DVL3: variants seen among roughly 807,000 people sequenced by gnomAD.
The protein encoded by DVL3 is dishevelled segment polarity protein 3, also known as segment polarity protein dishevelled homolog DVL-3.
In DVL3, 27 loss-of-function variants were observed where a neutral mutation model predicts 67.4. The ratio of observed to expected loss-of-function variants is 0.40; its 90% CI spans 0.30 to 0.55. DVL3 has a LOEUF of 0.55. Among genes scored for constraint, DVL3 ranks in the 20% least tolerant of loss-of-function variants. The pLI is 0.46. For synonymous variants in DVL3, 369 were observed against 396.8 expected, an observed-to-expected ratio of 0.93 and a Z score of 0.83; for missense variants, 819 against 1,021.5, an observed-to-expected ratio of 0.80 and a Z score of 2.70.
Position 184,163,538 on chromosome 3 carries a change from A to C in DVL3, c.162-119A>C, listed in dbSNP as rs1714457405. ...CCCCAACCTCTGCTTTCATTTGAAC[A>C]GTCTTGTGCTGGTGGTTTGATTCCC... On this transcript the variant is annotated intron_variant, in intron 1 of 14. Transcript: ENST00000313143. This position sits in a 1 kb window ranked among gnomAD's most constrained non-coding sequence, Gnocchi z 4.5. 1 of 908,298 alleles carries C rather than the reference A, an allele frequency of 1.1e-6. No individual in the cohort carries two copies. Among genetic ancestry groups the C allele is most frequent in the Middle Eastern group, 2.5e-4 (1 of 4,006 alleles). The allele number at this position is 908,298 out of a possible 1,614,324, so 56.3% of individuals were successfully genotyped here. A position where few individuals can be genotyped will look rare whatever the true frequency, so the allele number is the denominator to read the frequency against.
At position 184,155,462 on chromosome 3, in the gene DVL3, C is replaced by T. The variant is rs1483144244; in HGVS notation, c.-174C>T. On this transcript the variant is annotated 5_prime_UTR_variant, in exon 1 of 15. Transcript: ENST00000313143. The surrounding 1 kb of genome is among the most constrained non-coding windows in gnomAD (Gnocchi z 5.4). ...GGAGCGGAAGCGGCGGCCGCGGCGGCGGCGGGCGGCGCTGGGACCCGGTAG... is the reference window on the plus strand; with the variant it reads ...GGAGCGGAAGCGGCGGCCGCGGCGGTGGCGGGCGGCGCTGGGACCCGGTAG... 1.6e-5 allele frequency: 3 copies of T among 183,412 alleles called. No homozygotes were observed. The highest frequency in any genetic ancestry group is 2.0e-5 in the Non-Finnish European group (2 of 98,396). 11.4% of individuals were successfully genotyped at this position (183,412 alleles called of 1,614,324 possible). A position where few individuals can be genotyped will look rare whatever the true frequency, so the allele number is the denominator to read the frequency against.
chr3:184,166,546 G>T lies in DVL3; in HGVS notation c.980+24G>T. 6.2e-7 allele frequency: 1 copy of T among 1,614,120 alleles called. No individual in the cohort carries two copies. Among genetic ancestry groups the T allele is most frequent in the South Asian group, 1.1e-5 (1 of 91,072 alleles). On this transcript the variant is annotated intron_variant, in intron 9 of 14. Transcript: ENST00000313143. This position sits in a 1 kb window ranked among gnomAD's most constrained non-coding sequence, Gnocchi z 6.7. ...GGGTATGGATGGAATGGGGCACTGG[G>T]CAAGGGGCTTGGTCTGGCCTATACG...
chr3:184,155,841 G>A lies in DVL3; in HGVS notation c.161+45G>A, dbSNP rs974614035. 1.3e-6 allele frequency: 2 copies of A among 1,561,860 alleles called. No homozygotes were observed. The highest frequency in any genetic ancestry group is 2.3e-5 in the South Asian group (2 of 87,674). On this transcript the variant is annotated intron_variant, in intron 1 of 14. Coordinates refer to ENST00000313143, the MANE Select transcript of DVL3 (RefSeq NM_004423.4). This position sits in a 1 kb window ranked among gnomAD's most constrained non-coding sequence, Gnocchi z 5.4. ...CGCCTCCGGGAGCCCCGGCCGCTCT[G>A]GCTTCTAAGGGATGACGCGGTCCGT...
chr3:184,158,227 G>A (rs2109018109), intron 1 of DVL3, among the ~76,000 whole-genome samples: 1 of 152,084 alleles, frequency 6.6e-6, no homozygotes, highest in South Asian at 2.1e-4. Flanking sequence ...TCCCAACTTG[G>A]GAGGCTGAGA....
chr3:184,165,365 G>A lies in DVL3; in HGVS notation c.694-57G>A. On this transcript the variant is annotated intron_variant, in intron 6 of 14. Transcript: ENST00000313143. This position sits in a 1 kb window ranked among gnomAD's most constrained non-coding sequence, Gnocchi z 4.1. ...GGGGACTCACCTTGAGGAGGAGTCA[G>A]GTGGGAGTGAATTCCTGCCACCTCC... 1 of 1,587,480 alleles carries A rather than the reference G, an allele frequency of 6.3e-7. No individual in the cohort carries two copies. The highest frequency in any genetic ancestry group is 8.6e-7 in the Non-Finnish European group (1 of 1,157,426).
Position 184,164,132 on chromosome 3 carries a change from C to T in DVL3, c.232-135C>T, listed in dbSNP as rs1049855215. 13 of 1,118,882 alleles carry T rather than the reference C, an allele frequency of 1.2e-5. No homozygotes were observed. The African/African-American group carries it at 1.3e-4, about 11-fold the overall frequency. The allele number at this position is 1,118,882 out of a possible 1,614,324, so 69.3% of individuals were successfully genotyped here. ...GGCCACTGTTCATCTCAGCCACCCT[C>T]GCACAGCCCTGTCTTTTCTCCCTCG... On this transcript the variant is annotated intron_variant, in intron 2 of 14. Transcript: ENST00000313143. The surrounding 1 kb of genome is among the most constrained non-coding windows in gnomAD (Gnocchi z 5.3).
intron 1 of DVL3, among the ~76,000 whole-genome samples, chr3:184,162,867 A>G (rs539850570): frequency 1.3e-5 from 2 of 152,312 alleles, no homozygotes; most frequent in African/African-American, 4.8e-5. Flanking sequence ...AGGGTGTGGA[A>G]TGTGGTCACG....
In DVL3 at chr3:184,170,916, G is replaced by A. The variant is rs779285214; in HGVS notation, c.*161G>A. On this transcript the variant is annotated 3_prime_UTR_variant, in exon 15 of 15. Transcript: ENST00000313143. This position sits in a 1 kb window ranked among gnomAD's most constrained non-coding sequence, Gnocchi z 6.5. ...TCGCAGGGTGCTGCGAGGGTGGGGT[G>A]CACCTACCGATTGGCTCTGCAGCCC... is the stretch of plus-strand genomic sequence containing the variant. The A allele has an allele frequency of 1.4e-5, 21 of 1,542,620 alleles. No homozygotes were observed. The South Asian group carries it at 2.5e-4, about 19-fold the overall frequency.
intron 1 of DVL3, among the ~76,000 whole-genome samples, chr3:184,158,968 G>A (rs1365061228): frequency 3.3e-5 from 5 of 151,718 alleles, no homozygotes; most frequent in African/African-American, 7.3e-5. Flanking sequence ...TAGAGATGGG[G>A]TTTCACCACG....
rs972777147 is a variant in DVL3, at chr3:184,164,559, G to A, written c.421G>A (p.Ala141Thr). ...NDTETDSLVS[A>T]QRERPRRRDG... Reference sequence around the variant, plus strand: ...CACAGAGACGGACTCTTTGGTGTCTGCCCAGCGAGAGCGGCCACGCCGGAG... The same window carrying A: ...CACAGAGACGGACTCTTTGGTGTCTACCCAGCGAGAGCGGCCACGCCGGAG... Residue 141 changes from alanine to threonine, a missense_variant, in exon 4 of 15, where the codon GCC becomes ACC. Ala to Thr is a moderately conservative substitution (Grantham distance 58). Coordinates refer to ENST00000313143, the MANE Select transcript of DVL3 (RefSeq NM_004423.4). The surrounding 1 kb of genome is among the most constrained non-coding windows in gnomAD (Gnocchi z 5.3). The A allele has an allele frequency of 1.9e-6, 3 of 1,572,018 alleles. No homozygotes were observed. The highest frequency in any genetic ancestry group is 1.4e-5 in the African/African-American group (1 of 73,572).
chr3:184,170,880 G>T lies in DVL3; in HGVS notation c.*125G>T. The T allele has an allele frequency of 6.5e-7, 1 of 1,549,434 alleles. No individual in the cohort carries two copies. The highest frequency in any genetic ancestry group is 1.4e-5 in the African/African-American group (1 of 73,130). On this transcript the variant is annotated 3_prime_UTR_variant, in exon 15 of 15. Transcript: ENST00000313143. This position sits in a 1 kb window ranked among gnomAD's most constrained non-coding sequence, Gnocchi z 6.5. Reference sequence around the variant, plus strand: ...GAAATAAAAGGAACTAAATCCAGGTGCGCTAACTGCTCGCAGGGTGCTGCG... The same window carrying T: ...GAAATAAAAGGAACTAAATCCAGGTTCGCTAACTGCTCGCAGGGTGCTGCG...
At position 184,164,464 on chromosome 3, in the gene DVL3, C is replaced by T. The variant is rs772666279; in HGVS notation, c.354-28C>T. ...GGGGGAGGGAGCCCCCAGCCTGCCC[C>T]CTCCCCCATCAAGTCTCTTCCCTGC... On this transcript the variant is annotated intron_variant, in intron 3 of 14. Coordinates refer to ENST00000313143, the MANE Select transcript of DVL3 (RefSeq NM_004423.4). This position sits in a 1 kb window ranked among gnomAD's most constrained non-coding sequence, Gnocchi z 5.3. The T allele has an allele frequency of 6.2e-7, 1 of 1,600,472 alleles. No individual in the cohort carries two copies. The highest frequency in any genetic ancestry group is 8.5e-7 in the Non-Finnish European group (1 of 1,173,430).
In DVL3 at chr3:184,170,827, T is replaced by G; in HGVS notation, c.*72T>G. 2 of 1,584,128 alleles carry G rather than the reference T, an allele frequency of 1.3e-6. No individual in the cohort carries two copies. The highest frequency in any genetic ancestry group is 1.7e-6 in the Non-Finnish European group (2 of 1,165,710). ...GCGTTCCTCTCTCCATCCGTCCGTC[T>G]TTTTTACTTTGTCTGGTACCTGAAA... On this transcript the variant is annotated 3_prime_UTR_variant, in exon 15 of 15. Coordinates refer to ENST00000313143, the MANE Select transcript of DVL3 (RefSeq NM_004423.4). This position sits in a 1 kb window ranked among gnomAD's most constrained non-coding sequence, Gnocchi z 6.5.
At position 184,163,181 on chromosome 3, in the gene DVL3, C is replaced by A. The variant is rs900943539; in HGVS notation, c.162-476C>A. Among the ~76,000 whole-genome samples the A allele has an allele frequency of 6.6e-6, 1 of 152,082 alleles. No homozygotes were observed. The highest frequency in any genetic ancestry group is 2.4e-5 in the African/African-American group (1 of 41,400). On this transcript the variant is annotated intron_variant, in intron 1 of 14. Transcript: ENST00000313143. This position sits in a 1 kb window ranked among gnomAD's most constrained non-coding sequence, Gnocchi z 4.5. ...GGGATTACAGGTGTGAGCTATCACG[C>A]CTGGCCTCCCCTTCTCTTTTCTAAT...
In DVL3 at chr3:184,170,235, G is replaced by A. The variant is rs766509060; in HGVS notation, c.1714+14G>A. Reference sequence around the variant, plus strand: ...AGCACAGCGAAGGTAAGGTAGAGGGGCCGTGGAGGAAGGCTATAGGTGGGC... The same window carrying A: ...AGCACAGCGAAGGTAAGGTAGAGGGACCGTGGAGGAAGGCTATAGGTGGGC... On this transcript the variant is annotated intron_variant, in intron 14 of 14. Coordinates refer to ENST00000313143, the MANE Select transcript of DVL3 (RefSeq NM_004423.4). This position sits in a 1 kb window ranked among gnomAD's most constrained non-coding sequence, Gnocchi z 6.5. 1.7e-5 allele frequency: 27 copies of A among 1,611,538 alleles called. No individual in the cohort carries two copies. Among genetic ancestry groups the A allele is most frequent in the Non-Finnish European group, 2.2e-5 (26 of 1,179,288 alleles).
In DVL3 at chr3:184,171,452, G is replaced by A. The variant is rs1714836071; in HGVS notation, c.*697G>A. The A allele has an allele frequency of 2.0e-6, 2 of 987,260 alleles. No homozygotes were observed. The highest frequency in any genetic ancestry group is 1.2e-6 in the Non-Finnish European group (1 of 831,182). The allele number at this position is 987,260 out of a possible 1,614,324, so 61.2% of individuals were successfully genotyped here. ...CCCCTGCCCCATGCCTGCCCTGCGT[G>A]CTGGTTCCTTCAGACCCCTAACCCT... is the stretch of plus-strand genomic sequence containing the variant. On this transcript the variant is annotated 3_prime_UTR_variant, in exon 15 of 15. Transcript: ENST00000313143.
chr3:184,170,321 A>C lies in DVL3; in HGVS notation c.1717A>C (p.Ser573Arg). 1 of 1,599,370 alleles carries C rather than the reference A, an allele frequency of 6.3e-7. No individual in the cohort carries two copies. Among genetic ancestry groups the C allele is most frequent in the Non-Finnish European group, 8.5e-7 (1 of 1,173,042 alleles). The change falls in exon 15 of 15, where the codon AGT (serine) becomes CGT (arginine). Residue 573 changes from serine (S) to arginine (R), a missense_variant and splice_region_variant. Coordinates refer to ENST00000313143, the MANE Select transcript of DVL3 (RefSeq NM_004423.4). This position sits in a 1 kb window ranked among gnomAD's most constrained non-coding sequence, Gnocchi z 6.5. ...GSASSQHSEGSRSSGSNRSGS... is the reference protein window; with the variant it reads ...GSASSQHSEGRRSSGSNRSGS... ...CCGGCCCTGTTTGCCTCCTACAGGC[A>C]GTCGGAGCAGTGGCTCCAACCGTAG...
Position 184,166,235 on chromosome 3 carries a change from A to C in DVL3, c.873A>C (p.Gly291=), listed in dbSNP as rs1714579499. The change falls in exon 8 of 15, where the codon GGA becomes GGC. Residue 291 remains glycine (G), a synonymous_variant. Transcript: ENST00000313143. This position sits in a 1 kb window ranked among gnomAD's most constrained non-coding sequence, Gnocchi z 6.7. ...AGGGTGGGGCCGTGGCTGCTGATGG[A>C]CGCATCGAGCCAGGAGATATGTTGT... ...IMKGGAVAAD[G]RIEPGDMLLQ... The C allele has an allele frequency of 3.1e-6, 5 of 1,612,988 alleles. No individual in the cohort carries two copies. The highest frequency in any genetic ancestry group is 1.7e-5 in the Admixed American group (1 of 59,534).
Position 184,166,158 on chromosome 3 carries a change from G to A in DVL3, c.796G>A (p.Gly266Ser). The change falls in exon 8 of 15, where the codon GGC (glycine) becomes AGC (serine). Residue 266 changes from glycine (G) to serine (S), a missense_variant. Physicochemically the swap from Gly to Ser is moderately conservative, Grantham distance 56. This residue lies in a region of DVL3 where 385 missense variants were observed against 486.8 expected (regional missense o/e 0.79). Transcript: ENST00000313143. The surrounding 1 kb of genome is among the most constrained non-coding windows in gnomAD (Gnocchi z 6.7). ...TAACTTCTTGGGCATCTCCATTGTGGGCCAAAGCAACGAGCGTGGTGACGG... is the reference window on the plus strand; with the variant it reads ...TAACTTCTTGGGCATCTCCATTGTGAGCCAAAGCAACGAGCGTGGTGACGG... ...KYNFLGISIVGQSNERGDGGI... is the reference protein window; with the variant it reads ...KYNFLGISIVSQSNERGDGGI... 6.2e-7 allele frequency: 1 copy of A among 1,613,810 alleles called. No homozygotes were observed. Among genetic ancestry groups the A allele is most frequent in the East Asian group, 2.2e-5 (1 of 44,886 alleles).
Sources: allele counts gnomAD v4.1 joint callset (sites outside exome capture counted in the v4.1 genomes callset), GRCh38; gene constraint gnomAD v4.1.1; regional missense constraint gnomAD v4.1.1; non-coding constraint Gnocchi (gnomAD v3.1); transcripts MANE v1.5; gene names NCBI Gene and HGNC (gene_info 2026-07-23, HGNC 2026-07-21).